Variants in CTNND2 observed in about 807,000 individuals in gnomAD.
The protein encoded by CTNND2 is catenin delta-2.
A neutral mutation model predicts 144.4 loss-of-function variants in CTNND2; 22 were observed. That is an observed-to-expected ratio of 0.15 (90% CI 0.11 to 0.22). The LOEUF is 0.22. Among genes scored for constraint, CTNND2 ranks in the 10% least tolerant of loss-of-function variants. CTNND2 has a pLI of 1.00. For synonymous variants in CTNND2, 751 were observed against 695.6 expected (o/e 1.08, Z -1.25); for missense variants, 1,353 against 1,618.8 (o/e 0.84, Z 2.82).
chr5:11,638,853 C>T (rs965245476), intron 2 of CTNND2, among the ~76,000 whole-genome samples: 11 of 152,158 alleles, frequency 7.2e-5, no homozygotes, highest in African/African-American at 2.7e-4. Context: ...GGATTATAGG[C>T]ATGAGCCACT....
At chr5:11,522,879 T>C (rs1174136492) in intron 3 of CTNND2, among the ~76,000 whole-genome samples, 4 of 152,312 alleles carry the variant, frequency 2.6e-5, no homozygotes, top group African/African-American at 7.2e-5. Context: ...AAGCTACACA[T>C]ACACATGTAT....
intron 6 of CTNND2, 118 bp downstream of exon 6, chr5:11,396,913 G>A (rs1581107106): frequency 3.2e-6 from 3 of 948,156 alleles, no homozygotes; most frequent in East Asian, 2.5e-5. Flanking sequence ...CCCTCAAGTT[G>A]AGGGACACAC....
intron 3 of CTNND2, among the ~76,000 whole-genome samples, chr5:11,435,388 C>T: frequency 6.6e-6 from 1 of 151,992 alleles, no homozygotes; most frequent in East Asian, 1.9e-4. Flanking sequence ...GTGATCCGCC[C>T]TCCTCGGCCT....
intron 2 of CTNND2, among the ~76,000 whole-genome samples, chr5:11,701,093 C>T (rs191406295): frequency 5.8e-4 from 88 of 152,220 alleles, no homozygotes; most frequent in Non-Finnish European, 8.8e-4. Context: ...TCTTTTATGA[C>T]GTCTAAAGAA....
chr5:11,467,870 A>G (rs1341650660), intron 3 of CTNND2, among the ~76,000 whole-genome samples: 1 of 152,204 alleles, frequency 6.6e-6, no homozygotes, highest in Non-Finnish European at 1.5e-5. Context: ...ATAGTACTTT[A>G]GGGGGCATAA....
chr5:11,111,634 G>A (rs1221883526), intron 13 of CTNND2, among the ~76,000 whole-genome samples: 1 of 152,192 alleles, frequency 6.6e-6, no homozygotes, highest in Non-Finnish European at 1.5e-5. Context: ...GTTAAACAGT[G>A]GTTAAGGACA....
chr5:11,835,043 T>A (rs1794102050), intron 1 of CTNND2, among the ~76,000 whole-genome samples: 1 of 152,166 alleles, frequency 6.6e-6, no homozygotes, highest in Non-Finnish European at 1.5e-5. Flanking sequence ...GAGGCTGAGA[T>A]GGGAGGATCA....
intron 3 of CTNND2, among the ~76,000 whole-genome samples, chr5:11,541,174 C>A (rs1451588343): frequency 6.6e-6 from 1 of 152,096 alleles, no homozygotes; most frequent in African/African-American, 2.4e-5. Context: ...AGCTGTAGAC[C>A]CCTAGGCTCT....
Position 11,288,535 on chromosome 5 carries a change from G to A in CTNND2, c.1629-51712C>T, listed in dbSNP as rs537252507. Among the ~76,000 whole-genome samples, 4 of 152,144 alleles carry A rather than the reference G, an allele frequency of 2.6e-5. No homozygotes were observed. The East Asian group carries it at 7.7e-4, about 29-fold the overall frequency. ...ACTGTATCATAAACCTATACCGTGGGCTTGCTTGTCCACAGATCTTTTGAT... is the reference window on the plus strand; with the variant it reads ...ACTGTATCATAAACCTATACCGTGGACTTGCTTGTCCACAGATCTTTTGAT... On this transcript the variant is annotated intron_variant, in intron 9 of 21. Coordinates refer to ENST00000304623, the MANE Select transcript of CTNND2 (RefSeq NM_001332.4).
intron 1 of CTNND2, among the ~76,000 whole-genome samples, chr5:11,807,139 G>A (rs1792048552): frequency 6.6e-6 from 1 of 152,072 alleles, no homozygotes; most frequent in Non-Finnish European, 1.5e-5. Context: ...AATAGTTCAG[G>A]AGGATTTCAT....
chr5:11,879,341 G>GTGTATA, intron 1 of CTNND2, among the ~76,000 whole-genome samples: 27 of 109,322 alleles, frequency 2.5e-4, no homozygotes, highest in South Asian at 9.8e-4. Flanking sequence ...TTAAATGTGT[G>GTGTATA]TATATATATA....
chr5:11,328,653 G>A (rs1752776483), intron 9 of CTNND2, among the ~76,000 whole-genome samples: 1 of 152,076 alleles, frequency 6.6e-6, no homozygotes, highest in Non-Finnish European at 1.5e-5. Flanking sequence ...AGAATGAATG[G>A]CCACTTAATA....
At chr5:11,409,568 C>T (rs977455894) in intron 5 of CTNND2, among the ~76,000 whole-genome samples, 3 of 151,972 alleles carry the variant, frequency 2.0e-5, no homozygotes, top group Non-Finnish European at 1.5e-5. Flanking sequence ...TATTCACATG[C>T]TATGCTGTTT....
At chr5:11,313,474 G>C (rs79717922) in intron 9 of CTNND2, among the ~76,000 whole-genome samples, 1 of 152,204 alleles carries the variant, frequency 6.6e-6, no homozygotes, top group African/African-American at 2.4e-5. Context: ...TCCTGCCTGT[G>C]AGGTGCAGTG....
At chr5:11,185,045 C>T (rs902207471) in intron 11 of CTNND2, among the ~76,000 whole-genome samples, 11 of 152,200 alleles carry the variant, frequency 7.2e-5, no homozygotes, top group Admixed American at 4.6e-4. Context: ...ACTCAGTTCT[C>T]AATCCATTCT....
chr5:11,480,912 T>G (rs920838697), intron 3 of CTNND2, among the ~76,000 whole-genome samples: 2 of 151,902 alleles, frequency 1.3e-5, no homozygotes, highest in African/African-American at 4.8e-5. Flanking sequence ...CACCCAAGAG[T>G]GCCCTGCCAA....
chr5:11,626,606 T>C (rs1781170289), intron 2 of CTNND2, among the ~76,000 whole-genome samples: 1 of 152,200 alleles, frequency 6.6e-6, no homozygotes, highest in Admixed American at 6.5e-5. Context: ...ACTCTGACTT[T>C]GTCTCTGGTG....
chr5:11,330,795 A>C (rs964542770), intron 9 of CTNND2, among the ~76,000 whole-genome samples: 1 of 151,994 alleles, frequency 6.6e-6, no homozygotes, highest in Non-Finnish European at 1.5e-5. Context: ...AAAAAAAAAA[A>C]AAAAATAGAA....
intron 12 of CTNND2, among the ~76,000 whole-genome samples, chr5:11,129,294 AATATATATT>A (rs1755302806): frequency 2.1e-5 from 1 of 48,178 alleles, no homozygotes; most frequent in South Asian, 6.3e-4. Context: ...AAAAATATAT[AATATATATT>A]ATATATATAA....
Sources: allele counts gnomAD v4.1 joint callset (sites outside exome capture counted in the v4.1 genomes callset), GRCh38; gene constraint gnomAD v4.1.1; transcripts MANE v1.5; gene names NCBI Gene and HGNC (gene_info 2026-07-23, HGNC 2026-07-21).